The following WWOX variants were observed in gnomAD, a reference collection of about 807,000 sequenced individuals.
The protein encoded by WWOX is WW domain-containing oxidoreductase.
In WWOX, 69 loss-of-function variants were observed where a neutral mutation model predicts 46.2. The observed-to-expected ratio is 1.49, with a 90% CI of 1.23 to 1.82. The LOEUF is 1.82. Ranked by LOEUF, WWOX falls within the 40% of genes most tolerant of loss-of-function variation. The probability of loss-of-function intolerance (pLI) is 0.00; values close to 1 mark genes in which losing one functional copy is unlikely to be tolerated. For synonymous variants in WWOX, 359 were observed against 202.6 expected (o/e 1.77, Z -6.56); for missense variants, 919 against 542.6 (o/e 1.69, Z -6.89).
intron 8 of WWOX, among the ~76,000 whole-genome samples, chr16:78,847,679 C>T (rs1053961609): frequency 1.3e-5 from 2 of 151,640 alleles, no homozygotes; most frequent in African/African-American, 2.4e-5. Flanking sequence ...TGTTATTTAA[C>T]TCTCAGTTTC....
chr16:78,469,073 G>T (rs947359322), intron 8 of WWOX, among the ~76,000 whole-genome samples: 1 of 152,112 alleles, frequency 6.6e-6, no homozygotes, highest in Non-Finnish European at 1.5e-5. Context: ...AGTTTTGCTG[G>T]CCTTACTCGT....
chr16:78,164,266 G>T lies in WWOX; in HGVS notation c.493G>T (p.Val165Leu). ...CRNMARASEA[V>L]SRILEEWHKA... The stretch of plus-strand genomic sequence containing the variant: ...GAACATGGCAAGGGCGAGTGAAGCA[G>T]TGTCACGCATTTTAGAAGAATGGGT... The change falls in exon 5 of 9, where the codon GTG becomes TTG. Residue 165 changes from valine (V) to leucine (L), a missense_variant. Transcript: ENST00000566780. 1.2e-6 allele frequency: 2 copies of T among 1,614,034 alleles called. No homozygotes were observed. The highest frequency in any genetic ancestry group is 1.1e-5 in the South Asian group (1 of 91,058).
intron 8 of WWOX, among the ~76,000 whole-genome samples, chr16:78,795,761 G>C (rs1418058596): frequency 6.6e-6 from 1 of 151,986 alleles, no homozygotes; most frequent in Admixed American, 6.6e-5. Context: ...CTGTAAATGG[G>C]GACAATACTG....
At position 78,238,210 on chromosome 16, in the gene WWOX, A is replaced by G. The variant is rs982759976; in HGVS notation, c.516+73921A>G. The stretch of plus-strand genomic sequence containing the variant: ...AGATCTGAAAAGCAAAAACAAATTT[A>G]TTGTATATTTATAGCAAATTTATTT... On this transcript the variant is annotated intron_variant, in intron 5 of 8. Transcript: ENST00000566780. The G allele has an allele frequency of 3.9e-5, 6 of 152,156 alleles. No individual in the cohort carries two copies. In the East Asian group the frequency reaches 1.2e-3, roughly 29 times the overall value. The allele number at this position is 152,156 out of a possible 1,614,324, so 9.4% of individuals were successfully genotyped here.
Position 78,385,067 on chromosome 16 carries a change from G to C in WWOX, c.517-1793G>C, listed in dbSNP as rs572451983. Among the ~76,000 whole-genome samples, 4 of 151,898 alleles carry C rather than the reference G, an allele frequency of 2.6e-5. No homozygotes were observed. The East Asian group carries it at 7.7e-4, about 29-fold the overall frequency. The stretch of plus-strand genomic sequence containing the variant: ...GAGAATCGCTTGAGCCCAGGAAGTG[G>C]AGGTTGCAGTGAGCCAAGATGGTGC... On this transcript the variant is annotated intron_variant, in intron 5 of 8. Coordinates refer to ENST00000566780, the MANE Select transcript of WWOX (RefSeq NM_016373.4).
intron 5 of WWOX, among the ~76,000 whole-genome samples, chr16:78,298,748 A>AGG: frequency 6.6e-6 from 1 of 150,822 alleles, no homozygotes; most frequent in Admixed American, 6.6e-5. Context: ...CCAAGATCGC[A>AGG]CCATTGCACT....
rs1031193262 is a variant in WWOX at position 79,012,291 on chromosome 16, G to T, written c.1057-199317G>T. Among the ~76,000 whole-genome samples the T allele has an allele frequency of 4.3e-4, 66 of 151,968 alleles. 1 individual carries two copies. The highest frequency in any genetic ancestry group is 7.2e-4 in the Admixed American group (11 of 15,252). ...TCTGTCACCTAGGCTAGAGTGCAGT[G>T]GTGCAATCTCGACTCACTGCAACCT... On this transcript the variant is annotated intron_variant, in intron 8 of 8. Transcript: ENST00000566780.
At chr16:79,160,889 A>T (rs955197204) in intron 8 of WWOX, among the ~76,000 whole-genome samples, 2 of 26,582 alleles carry the variant, frequency 7.5e-5, no homozygotes, top group African/African-American at 6.7e-4. Context: ...ACATACACAT[A>T]TACATATACA....
chr16:79,185,235 C>T (rs556514688), intron 8 of WWOX, among the ~76,000 whole-genome samples: 1 of 152,218 alleles, frequency 6.6e-6, no homozygotes, highest in Non-Finnish European at 1.5e-5. Flanking sequence ...GCATCATTTC[C>T]TGGTGAAGCC....
At chr16:78,432,067 T>G (rs2083231993) in intron 7 of WWOX, among the ~76,000 whole-genome samples, 1 of 152,178 alleles carries the variant, frequency 6.6e-6, no homozygotes, top group Admixed American at 6.5e-5. Context: ...AGACTTTGTT[T>G]TGATGTATGT....
At chr16:78,874,492 G>A (rs979031891) in intron 8 of WWOX, among the ~76,000 whole-genome samples, 4 of 152,012 alleles carry the variant, frequency 2.6e-5, no homozygotes, top group Non-Finnish European at 5.9e-5. Flanking sequence ...GTCTGAGCCT[G>A]ATGTGGTGCC....
intron 8 of WWOX, among the ~76,000 whole-genome samples, chr16:79,030,767 A>G (rs1339799930): frequency 1.3e-5 from 2 of 152,100 alleles, no homozygotes; most frequent in Non-Finnish European, 2.9e-5. Context: ...AACTAGGTGT[A>G]AATGCAGACT....
At chr16:79,202,797 A>G (rs1321836715) in intron 8 of WWOX, 1 of 152,186 alleles carries the variant, frequency 6.6e-6, no homozygotes, top group Non-Finnish European at 1.5e-5. Flanking sequence ...TAGGGAAACA[A>G]GAGAAAGATC....
At chr16:79,036,032 C>A (rs1019456279) in intron 8 of WWOX, among the ~76,000 whole-genome samples, 1 of 152,182 alleles carries the variant, frequency 6.6e-6, no homozygotes, top group Non-Finnish European at 1.5e-5. Flanking sequence ...CCAGCATACT[C>A]AGCACAGTCC....
intron 6 of WWOX, among the ~76,000 whole-genome samples, chr16:78,408,342 C>T (rs569624426): frequency 6.6e-6 from 1 of 152,280 alleles, no homozygotes; most frequent in African/African-American, 2.4e-5. Context: ...AGCATGTACC[C>T]TCCATTCTGA....
At chr16:78,991,447 A>C (rs2046884510) in intron 8 of WWOX, among the ~76,000 whole-genome samples, 1 of 152,004 alleles carries the variant, frequency 6.6e-6, no homozygotes, top group Non-Finnish European at 1.5e-5. Flanking sequence ...TAAAAAAATT[A>C]AAAATTAGCT....
At chr16:78,207,024 A>G (rs999435257) in intron 5 of WWOX, among the ~76,000 whole-genome samples, 1 of 152,216 alleles carries the variant, frequency 6.6e-6, no homozygotes, top group African/African-American at 2.4e-5. Flanking sequence ...GAAGAGACTC[A>G]GGCATGCAAA....
intron 8 of WWOX, among the ~76,000 whole-genome samples, chr16:78,581,786 T>C (rs1002225045): frequency 2.6e-5 from 4 of 152,210 alleles, no homozygotes; most frequent in African/African-American, 7.2e-5. Context: ...CAGGACTTAA[T>C]ACAAAAGTTT....
intron 8 of WWOX, among the ~76,000 whole-genome samples, chr16:78,814,604 A>G (rs970503374): frequency 6.6e-6 from 1 of 152,150 alleles, no homozygotes; most frequent in Non-Finnish European, 1.5e-5. Flanking sequence ...TTCAAGATGT[A>G]TCCTTTGTGG....
Sources: allele counts gnomAD v4.1 joint callset (sites outside exome capture counted in the v4.1 genomes callset), GRCh38; gene constraint gnomAD v4.1.1; transcripts MANE v1.5; gene names NCBI Gene and HGNC (gene_info 2026-07-23, HGNC 2026-07-21).